Variants in PRKCE observed in about 807,000 individuals in gnomAD.
PRKCE encodes the protein protein kinase C epsilon.
Under a neutral mutation model 85.4 loss-of-function variants are expected in PRKCE, and 16 were observed. The observed-to-expected ratio is 0.19, with a 90% CI of 0.13 to 0.28. PRKCE has a LOEUF of 0.28. PRKCE is among the 10% of genes least tolerant of loss of function. The probability of loss-of-function intolerance (pLI) is 1.00; values close to 1 mark genes in which losing one functional copy is unlikely to be tolerated. For synonymous variants in PRKCE, 388 were observed against 371.5 expected, an observed-to-expected ratio of 1.04 and a Z score of -0.51; for missense variants, 573 against 975.2, an observed-to-expected ratio of 0.59 and a Z score of 5.49.
intron 1 of PRKCE, among the ~76,000 whole-genome samples, chr2:45,812,182 C>T (rs936156240): frequency 6.6e-6 from 1 of 152,194 alleles, no homozygotes; most frequent in Non-Finnish European, 1.5e-5. Context: ...GTTCTACTTA[C>T]CTAACAGGAT....
At chr2:46,146,464 T>C (rs765553281) in intron 12 of PRKCE, among the ~76,000 whole-genome samples, 10 of 152,208 alleles carry the variant, frequency 6.6e-5, no homozygotes, top group Non-Finnish European at 1.2e-4. Flanking sequence ...AGTAAACAAC[T>C]AATTAAGCAG....
chr2:45,710,271 C>CAGGA (rs1679506049), intron 1 of PRKCE, among the ~76,000 whole-genome samples: 1 of 152,136 alleles, frequency 6.6e-6, no homozygotes, highest in South Asian at 2.1e-4. Flanking sequence ...GATTAAGGAA[C>CAGGA]ACATCCCCAG....
chr2:45,748,733 G>C (rs1683326668), intron 1 of PRKCE, among the ~76,000 whole-genome samples: 1 of 152,132 alleles, frequency 6.6e-6, no homozygotes, highest in Non-Finnish European at 1.5e-5. Context: ...GGATTCAGGG[G>C]GAAGGGATGA....
intron 1 of PRKCE, among the ~76,000 whole-genome samples, chr2:45,781,938 C>T (rs1337484004): frequency 6.6e-6 from 1 of 152,136 alleles, no homozygotes; most frequent in South Asian, 2.1e-4. Flanking sequence ...AAACAAATTA[C>T]CTGAATCCTA....
At chr2:46,082,999 G>T (rs1669241284) in intron 10 of PRKCE, among the ~76,000 whole-genome samples, 1 of 152,172 alleles carries the variant, frequency 6.6e-6, no homozygotes, top group Admixed American at 6.5e-5. Flanking sequence ...CCAGGCTGGA[G>T]TGCAGTGGCG....
At chr2:45,864,870 C>T (rs192923770) in intron 2 of PRKCE, among the ~76,000 whole-genome samples, 45 of 152,260 alleles carry the variant, frequency 3.0e-4, no homozygotes, top group African/African-American at 9.6e-4. Context: ...AGCAGGGGGC[C>T]TCGAACTTGA....
intron 11 of PRKCE, among the ~76,000 whole-genome samples, chr2:46,133,177 G>A (rs750280452): frequency 1.1e-4 from 17 of 152,192 alleles, no homozygotes; most frequent in Non-Finnish European, 1.9e-4. Context: ...GGGTTCTACG[G>A]TCCACTTCCG....
intron 2 of PRKCE, among the ~76,000 whole-genome samples, chr2:45,936,094 G>C (rs1409600080): frequency 2.0e-5 from 3 of 152,126 alleles, no homozygotes; most frequent in Non-Finnish European, 4.4e-5. Context: ...CTTTGAGGCT[G>C]ATCCTTCACC....
At chr2:46,094,908 C>T (rs561824878) in intron 11 of PRKCE, among the ~76,000 whole-genome samples, 1 of 151,876 alleles carries the variant, frequency 6.6e-6, no homozygotes, top group East Asian at 1.9e-4. Context: ...ATTGAATTCT[C>T]AATCATTTGT....
chr2:45,999,037 A>G (rs574431060), intron 6 of PRKCE, among the ~76,000 whole-genome samples: 6 of 152,326 alleles, frequency 3.9e-5, no homozygotes, highest in Admixed American at 1.3e-4. Context: ...CATACCTAGC[A>G]TATATGAAAT....
chr2:45,754,435 T>G (rs1683837818), intron 1 of PRKCE, among the ~76,000 whole-genome samples: 1 of 152,214 alleles, frequency 6.6e-6, no homozygotes, highest in Non-Finnish European at 1.5e-5. Flanking sequence ...TCTAAAGTGT[T>G]TGGGGTATGC....
intron 1 of PRKCE, among the ~76,000 whole-genome samples, chr2:45,737,518 C>T (rs1396592964): frequency 6.6e-6 from 1 of 152,226 alleles, no homozygotes; most frequent in Non-Finnish European, 1.5e-5. Flanking sequence ...CGGCCCGGGG[C>T]TCCTCCTCGC....
chr2:46,100,927 A>G (rs1338613551), intron 11 of PRKCE, among the ~76,000 whole-genome samples: 2 of 151,868 alleles, frequency 1.3e-5, no homozygotes, highest in East Asian at 3.9e-4. Context: ...GGAGTGTAGT[A>G]GCACGATCTC....
At chr2:45,734,945 C>G (rs1249474993) in intron 1 of PRKCE, among the ~76,000 whole-genome samples, 3 of 152,282 alleles carry the variant, frequency 2.0e-5, no homozygotes, top group African/African-American at 7.2e-5. Context: ...TTGCCTAGGA[C>G]TTTTGTTACA....
intron 2 of PRKCE, among the ~76,000 whole-genome samples, chr2:45,973,859 A>G (rs936274902): frequency 1.3e-5 from 2 of 152,262 alleles, no homozygotes; most frequent in African/African-American, 2.4e-5. Context: ...GATTGGACCC[A>G]TCACCATTTT....
chr2:45,995,608 T>C (rs377298304), intron 6 of PRKCE, among the ~76,000 whole-genome samples: 2 of 152,324 alleles, frequency 1.3e-5, no homozygotes, highest in East Asian at 3.9e-4. Context: ...CTGTCTTTGC[T>C]CCATTTTATT....
rs368018399 is a variant in PRKCE, at chr2:45,869,624, G to A, written c.412+26561G>A. Among the ~76,000 whole-genome samples the A allele has an allele frequency of 4.6e-5, 7 of 151,784 alleles. No individual in the cohort carries two copies. In the East Asian group the frequency reaches 7.7e-4, roughly 17 times the overall value. On this transcript the variant is annotated intron_variant, in intron 2 of 14. Transcript: ENST00000306156. Reference sequence around the variant, plus strand: ...CTCACTAAGGGAGCACACCTAGTAAGCTGGCTTCAAATCCCCCTGGGCTGT... The same window carrying A: ...CTCACTAAGGGAGCACACCTAGTAAACTGGCTTCAAATCCCCCTGGGCTGT...
At chr2:45,762,179 G>A (rs77143265) in intron 1 of PRKCE, among the ~76,000 whole-genome samples, 8,985 of 152,258 alleles carry the variant, frequency 0.059, 288 homozygotes, top group Non-Finnish European at 0.065. Context: ...GAGAAGCATG[G>A]CATTTTGTCA....
chr2:45,795,346 T>C (rs1687351363), intron 1 of PRKCE, among the ~76,000 whole-genome samples: 1 of 152,186 alleles, frequency 6.6e-6, no homozygotes, highest in South Asian at 2.1e-4. Flanking sequence ...GTTGCTCTTG[T>C]CACCCAGGCT....
Sources: allele counts gnomAD v4.1 joint callset (sites outside exome capture counted in the v4.1 genomes callset), GRCh38; gene constraint gnomAD v4.1.1; transcripts MANE v1.5; gene names NCBI Gene and HGNC (gene_info 2026-07-23, HGNC 2026-07-21).